Variants in USP9X observed in about 807,000 individuals in gnomAD.
The protein encoded by USP9X is ubiquitin specific peptidase 9 X-linked.
A neutral mutation model predicts 190.3 loss-of-function variants in USP9X; 7 were observed. The observed-to-expected ratio is 0.04, with a 90% CI of 0.02 to 0.07. USP9X has a LOEUF of 0.07. Among genes scored for constraint, USP9X ranks in the 10% least tolerant of loss-of-function variants. The pLI, the probability that USP9X is intolerant of heterozygous loss-of-function variation, is 1.00. For missense variants in USP9X, 1,010 were observed against 1,916.9 expected (o/e 0.53, Z 8.83); for synonymous variants, 645 against 659.5 (o/e 0.98, Z 0.34).
At chrX:41,113,240 C>T (rs192648960) in intron 1 of USP9X, among the ~76,000 whole-genome samples, 9 of 111,812 alleles carry the variant, frequency 8.0e-5, no homozygotes, top group African/African-American at 9.7e-5. Context: ...CTCGCTCTGT[C>T]GCCCGGGCTG....
At chrX:41,169,436 T>C (rs1243810348) in intron 18 of USP9X, among the ~76,000 whole-genome samples, 9 of 112,070 alleles carry the variant, frequency 8.0e-5, no homozygotes. Flanking sequence ...TTAAATATTA[T>C]TTATATTTTT....
At position 41,137,026 on chromosome X, in the gene USP9X, T is replaced by C. The variant is rs775029193; in HGVS notation, c.654+4T>C. On this transcript the variant is annotated splice_donor_region_variant and intron_variant, in intron 6 of 44. Transcript: ENST00000378308. ...TCCAGATCCTCGATCACCAAAGGTG[T>C]GTTGGTTTGTTATTTTCAAAATTAA... 8.3e-7 allele frequency: 1 copy of C among 1,201,659 alleles called. No homozygotes were observed. Among genetic ancestry groups the C allele is most frequent in the Non-Finnish European group, 1.1e-6 (1 of 887,365 alleles).
In USP9X at chrX:41,210,623, A is replaced by T. The variant is rs1367501107; in HGVS notation, c.5130A>T (p.Leu1710=). The change falls in exon 33 of 45, where the codon CTA becomes CTT. Residue 1710 remains leucine, a synonymous_variant. Transcript: ENST00000378308. ...ALKALGHPAM[L]SKVLGGSFAD... ...AAGCTTTAGGACATCCAGCTATGCT[A>T]AGTAAAGTCTTAGGAGGTTCCTTTG... 8.3e-7 allele frequency: 1 copy of T among 1,211,280 alleles called. No individual in the cohort carries two copies. The highest frequency in any genetic ancestry group is 2.2e-5 in the Admixed American group (1 of 46,050).
rs1377576602 is a variant in USP9X, at chrX:41,208,082, A to G, written c.5016-2427A>G. On this transcript the variant is annotated intron_variant, in intron 32 of 44. Transcript: ENST00000378308. ...AGAGTCTCACTCTGTGGCCCAGGCT[A>G]GAGTGCAGTGGTGTGATCTCGGCTC... Among the ~76,000 whole-genome samples the G allele has an allele frequency of 2.8e-5, 3 of 107,381 alleles. No individual in the cohort carries two copies. In the Admixed American group the frequency reaches 3.0e-4, roughly 11 times the overall value. 93.2% of individuals were successfully genotyped at this position (107,381 alleles called of 115,157 possible). A position where few individuals can be genotyped will look rare whatever the true frequency, so the allele number is the denominator to read the frequency against.
chrX:41,208,343 A>G (rs991326913), intron 32 of USP9X, among the ~76,000 whole-genome samples: 1 of 111,501 alleles, frequency 9.0e-6, no homozygotes, highest in African/African-American at 3.3e-5. Context: ...CACTTTTTAA[A>G]CTTTCGTCTT....
rs193282194 is a variant in USP9X at position 41,142,732 on chromosome X, C to G, written c.1162-559C>G. Among the ~76,000 whole-genome samples, 59 of 111,727 alleles carry G rather than the reference C, an allele frequency of 5.3e-4. 1 individual carries two copies. The highest frequency in any genetic ancestry group is 2.6e-4 in the Non-Finnish European group (14 of 53,129). On this transcript the variant is annotated intron_variant, in intron 9 of 44. Transcript: ENST00000378308. The stretch of plus-strand genomic sequence containing the variant: ...AGTTGAGCAAGCTAGCACAGTGTTA[C>G]AGAAAAACAGACTGTGGAAGCATAT...
chrX:41,197,611 C>T lies in USP9X; in HGVS notation c.4380+101C>T, dbSNP rs988667428. 10 of 741,587 alleles carry T rather than the reference C, an allele frequency of 1.3e-5. No individual in the cohort carries two copies. The African/African-American group carries it at 2.3e-4, about 17-fold the overall frequency. The allele number at this position is 741,587 out of a possible 1,213,427, so 61.1% of individuals were successfully genotyped here. A position where few individuals can be genotyped will look rare whatever the true frequency, so the allele number is the denominator to read the frequency against. ...TAGTAGTATCATGTCTTTGTACTTT[C>T]TTGATCTTTTCTCTTTTTTAAGAAT... On this transcript the variant is annotated intron_variant, in intron 29 of 44. Transcript: ENST00000378308.
At chrX:41,182,744 G>A (rs2062838434) in intron 21 of USP9X, among the ~76,000 whole-genome samples, 1 of 110,470 alleles carries the variant, frequency 9.1e-6, no homozygotes. Flanking sequence ...AAATGATATA[G>A]ATGAATATTC....
intron 1 of USP9X, among the ~76,000 whole-genome samples, chrX:41,119,267 C>A (rs2062173108): frequency 9.0e-6 from 1 of 111,190 alleles, no homozygotes; most frequent in Non-Finnish European, 1.9e-5. Context: ...AATCCTAGCA[C>A]TTTGGGAGGC....
chrX:41,151,171 G>C (rs111341743), intron 13 of USP9X, 114 bp downstream of exon 13: 11 of 743,630 alleles, frequency 1.5e-5, no homozygotes, highest in African/African-American at 1.3e-4. Context: ...GTGAGAAGAG[G>C]CTATATAAGA....
rs2062357012 is a variant in USP9X at position 41,134,774 on chromosome X, A to T, written c.372A>T (p.Leu124=). 1 of 1,211,356 alleles carries T rather than the reference A, an allele frequency of 8.3e-7. No individual in the cohort carries two copies. Among genetic ancestry groups the T allele is most frequent in the Non-Finnish European group, 1.1e-6 (1 of 895,217 alleles). The change falls in exon 5 of 45, where the codon CTA becomes CTT. Residue 124 remains leucine, a synonymous_variant. Transcript: ENST00000378308. ...GTCAGCGATTTTTCCGTGATGGGCT[A>T]ACAATATCATTCACTAAAATTCTTA... is the stretch of plus-strand genomic sequence containing the variant. ...EACQRFFRDG[L]TISFTKILTD... is the part of the protein sequence containing the mutation.
At chrX:41,164,758 A>G (rs1339592318) in intron 15 of USP9X, among the ~76,000 whole-genome samples, 2 of 112,200 alleles carry the variant, frequency 1.8e-5, no homozygotes, top group Non-Finnish European at 1.9e-5. Flanking sequence ...TATCACAGCC[A>G]GTATACGATG....
intron 39 of USP9X, among the ~76,000 whole-genome samples, chrX:41,224,431 T>TC (rs1372018195): frequency 9.1e-6 from 1 of 109,626 alleles, no homozygotes; most frequent in African/African-American, 3.3e-5. Flanking sequence ...GGTCAAGAGT[T>TC]CAAGACCAGC....
intron 26 of USP9X, among the ~76,000 whole-genome samples, chrX:41,190,344 G>A (rs1484020489): frequency 9.0e-6 from 1 of 110,825 alleles, no homozygotes; most frequent in Non-Finnish European, 1.9e-5. Context: ...TCACTTTAGA[G>A]TCTAAAGTGA....
At chrX:41,202,380 A>T (rs1008908092) in intron 31 of USP9X, among the ~76,000 whole-genome samples, 22 of 112,549 alleles carry the variant, frequency 2.0e-4, no homozygotes, top group African/African-American at 6.4e-4. Flanking sequence ...AGCATATGGC[A>T]AGAAGACTTA....
intron 25 of USP9X, among the ~76,000 whole-genome samples, chrX:41,188,752 C>T (rs1396819459): frequency 8.9e-6 from 1 of 111,855 alleles, no homozygotes; most frequent in African/African-American, 3.3e-5. Flanking sequence ...TGGCACAGCC[C>T]TGGGTATTCA....
intron 3 of USP9X, among the ~76,000 whole-genome samples, chrX:41,130,708 T>C (rs2062304094): frequency 2.0e-5 from 2 of 100,880 alleles, no homozygotes; most frequent in South Asian, 9.3e-4. Flanking sequence ...ATGGTCTTGA[T>C]CTCTTTTCTT....
chrX:41,215,524 T>C (rs2063203887), intron 34 of USP9X, among the ~76,000 whole-genome samples: 1 of 112,859 alleles, frequency 8.9e-6, no homozygotes, highest in Non-Finnish European at 1.9e-5. Context: ...GGTATGTTTT[T>C]ACTTGTGCGG....
At chrX:41,194,380 C>T (rs1367397828) in intron 26 of USP9X, among the ~76,000 whole-genome samples, 4 of 111,045 alleles carry the variant, frequency 3.6e-5, no homozygotes, top group Admixed American at 9.6e-5. Context: ...CATGGAAAAA[C>T]GCCGTCTCTA....
Sources: gnomAD v4.1 joint callset for allele counts (sites outside exome capture counted in the v4.1 genomes callset) on GRCh38, gnomAD v4.1.1 for gene constraint, MANE v1.5 for transcripts, NCBI Gene and HGNC (gene_info 2026-07-23, HGNC 2026-07-21) for gene names.